SSBP2: variants seen among roughly 807,000 people sequenced by gnomAD.
SSBP2 encodes the protein single-stranded DNA-binding protein 2.
A neutral mutation model predicts 61.8 loss-of-function variants in SSBP2; 17 were observed. The ratio of observed to expected loss-of-function variants is 0.28; its 90% confidence interval spans 0.19 to 0.41. The LOEUF (loss-of-function observed/expected upper bound fraction) is 0.41, where lower values mean the gene tolerates loss of function less well. SSBP2 is among the 10% of genes least tolerant of loss of function. SSBP2 has a pLI of 1.00. For synonymous variants in SSBP2, 139 were observed against 141.3 expected (o/e 0.98, Z 0.12); for missense variants, 310 against 458.7 (o/e 0.68, Z 2.96).
At chr5:81,732,848 G>T (rs896948605) in intron 1 of SSBP2, among the ~76,000 whole-genome samples, 5 of 152,136 alleles carry the variant, frequency 3.3e-5, no homozygotes, top group African/African-American at 1.2e-4. Flanking sequence ...CCGCCTTCTA[G>T]CCCCTCACCC....
In SSBP2 at chr5:81,742,505, G is replaced by A. The variant is rs142432980; in HGVS notation, c.62+8476C>T. ...TTGCAACCACTGTGCTAAGCAGTGG[G>A]AATATGACGGTAAGGAAGACACCAT... On this transcript the variant is annotated intron_variant, in intron 1 of 16. Transcript: ENST00000320672. 4.5e-3 allele frequency among the ~76,000 whole-genome samples: 683 copies of A among 152,256 alleles called. 1 individual carries two copies. The highest frequency in any genetic ancestry group is 0.015 in the African/African-American group (630 of 41,546).
intron 3 of SSBP2, 121 bp from the exon 4 acceptor site, chr5:81,615,678 T>C (rs568257879): frequency 9.9e-6 from 6 of 605,614 alleles, no homozygotes; most frequent in Non-Finnish European, 1.7e-5. Context: ...AGAACAGATA[T>C]CTATCTGAAA....
chr5:81,502,575 T>C (rs1212369004), intron 5 of SSBP2, among the ~76,000 whole-genome samples: 1 of 152,204 alleles, frequency 6.6e-6, no homozygotes, highest in African/African-American at 2.4e-5. Flanking sequence ...TCTCACATCT[T>C]GTTCCCTACT....
chr5:81,623,490 C>A (rs1173057191), intron 3 of SSBP2, among the ~76,000 whole-genome samples: 1 of 151,786 alleles, frequency 6.6e-6, no homozygotes, highest in African/African-American at 2.4e-5. Context: ...CGCCCGCCAC[C>A]GCGCCCAGCT....
At chr5:81,741,996 C>G (rs1342817311) in intron 1 of SSBP2, among the ~76,000 whole-genome samples, 1 of 152,094 alleles carries the variant, frequency 6.6e-6, no homozygotes, top group Non-Finnish European at 1.5e-5. Context: ...GAACACTGAC[C>G]TTGGAACGAA....
intron 1 of SSBP2, among the ~76,000 whole-genome samples, chr5:81,707,272 T>TA (rs200583399): frequency 0.017 from 2,604 of 152,202 alleles, 82 homozygotes; most frequent in African/African-American, 0.059. Flanking sequence ...AAAGATATGT[T>TA]AGAGTCCTAG....
chr5:81,559,274 C>A (rs1461465254), intron 4 of SSBP2, among the ~76,000 whole-genome samples: 1 of 151,534 alleles, frequency 6.6e-6, no homozygotes, highest in Non-Finnish European at 1.5e-5. Flanking sequence ...GTAATCCCAG[C>A]TATTCAGGAG....
At chr5:81,494,648 C>G (rs35883849) in intron 5 of SSBP2, among the ~76,000 whole-genome samples, 21,878 of 152,138 alleles carry the variant, frequency 0.14, 1,994 homozygotes, top group Non-Finnish European at 0.21. Context: ...TCTTGGACTT[C>G]CCAGCCTTCA....
chr5:81,467,677 T>C (rs1764982752), intron 8 of SSBP2, among the ~76,000 whole-genome samples: 4 of 152,024 alleles, frequency 2.6e-5, no homozygotes. Context: ...AACATGTACA[T>C]GTTATTAGAT....
At chr5:81,694,856 C>T (rs1017516719) in intron 1 of SSBP2, among the ~76,000 whole-genome samples, 6 of 152,226 alleles carry the variant, frequency 3.9e-5, no homozygotes, top group Middle Eastern at 3.4e-3. Context: ...CATTCCTGTA[C>T]GACTAGAAGT....
chr5:81,490,233 A>C (rs1282068657), intron 5 of SSBP2, among the ~76,000 whole-genome samples: 1 of 152,140 alleles, frequency 6.6e-6, no homozygotes, highest in Non-Finnish European at 1.5e-5. Flanking sequence ...TCTGAAAAGT[A>C]TCCTAAAAGC....
chr5:81,579,193 A>G (rs1454292478), intron 4 of SSBP2, among the ~76,000 whole-genome samples: 1 of 152,108 alleles, frequency 6.6e-6, no homozygotes, highest in Non-Finnish European at 1.5e-5. Context: ...TGATATCAGG[A>G]ATAGAATTAT....
chr5:81,725,655 A>G (rs1003611732), intron 1 of SSBP2, among the ~76,000 whole-genome samples: 3 of 152,214 alleles, frequency 2.0e-5, no homozygotes, highest in African/African-American at 7.2e-5. Context: ...ATTCACTGAC[A>G]TACCTAGAGC....
intron 5 of SSBP2, among the ~76,000 whole-genome samples, chr5:81,492,349 A>G (rs952353412): frequency 3.9e-5 from 6 of 152,084 alleles, no homozygotes; most frequent in Admixed American, 1.3e-4. Context: ...CTAAAAATAC[A>G]AAAAATTAGC....
intron 5 of SSBP2, among the ~76,000 whole-genome samples, chr5:81,491,686 G>A (rs79353272): frequency 0.015 from 2,325 of 151,902 alleles, 64 homozygotes; most frequent in African/African-American, 0.053. Context: ...CCTCCTTTAA[G>A]TTCAAATTTG....
intron 4 of SSBP2, among the ~76,000 whole-genome samples, chr5:81,518,908 T>C (rs1157699465): frequency 6.6e-6 from 1 of 152,166 alleles, no homozygotes; most frequent in Non-Finnish European, 1.5e-5. Context: ...TAATCACATA[T>C]TGATAGTTTT....
chr5:81,595,510 A>G (rs1475297654), intron 4 of SSBP2, among the ~76,000 whole-genome samples: 5 of 152,224 alleles, frequency 3.3e-5, no homozygotes, highest in Non-Finnish European at 5.9e-5. Context: ...CATCATCCTG[A>G]TACCAAAGCC....
chr5:81,581,562 C>T lies in SSBP2; in HGVS notation c.282+33911G>A, dbSNP rs539259527. Among the ~76,000 whole-genome samples, 9 of 152,206 alleles carry T rather than the reference C, an allele frequency of 5.9e-5. 1 individual carries two copies. In the South Asian group the frequency reaches 1.9e-3, roughly 32 times the overall value. ...AATGGTAACTGTTTCTCATAGAAGA[C>T]AAATGAAAATGTTTTTGCTGGGAGA... On this transcript the variant is annotated intron_variant, in intron 4 of 16. Coordinates refer to ENST00000320672, the MANE Select transcript of SSBP2 (RefSeq NM_012446.5).
chr5:81,517,099 A>G (rs1769089187), intron 4 of SSBP2, among the ~76,000 whole-genome samples: 1 of 152,132 alleles, frequency 6.6e-6, no homozygotes, highest in Non-Finnish European at 1.5e-5. Flanking sequence ...AAAATCCTTT[A>G]TTATATAATA....
Sources: gnomAD v4.1 joint callset for allele counts (sites outside exome capture counted in the v4.1 genomes callset) on GRCh38, gnomAD v4.1.1 for gene constraint, MANE v1.5 for transcripts, NCBI Gene and HGNC (gene_info 2026-07-23, HGNC 2026-07-21) for gene names.